Variants in SMURF1 observed in about 807,000 individuals in gnomAD.
SMURF1 encodes the protein SMAD specific E3 ubiquitin protein ligase 1, also known as E3 ubiquitin-protein ligase SMURF1.
SMURF1 carries 44 observed loss-of-function variants against 98.0 expected under a neutral mutation model. The observed-to-expected ratio is 0.45, with a 90% confidence interval of 0.35 to 0.58. The LOEUF (loss-of-function observed/expected upper bound fraction) is 0.58, where lower values mean the gene tolerates loss of function less well. SMURF1 is among the 20% of genes least tolerant of loss of function. SMURF1 has a pLI of 0.00. For synonymous variants in SMURF1, 396 were observed against 374.9 expected (o/e 1.06, Z -0.65); for missense variants, 687 against 938.4 (o/e 0.73, Z 3.50).
intron 1 of SMURF1, among the ~76,000 whole-genome samples, chr7:99,089,211 A>AG (rs1455890246): frequency 6.6e-6 from 1 of 151,824 alleles, no homozygotes; most frequent in Non-Finnish European, 1.5e-5. Flanking sequence ...AAAAAAAAAA[A>AG]AAAGAAAGAA....
chr7:99,109,295 C>T (rs1333872842), intron 1 of SMURF1, among the ~76,000 whole-genome samples: 2 of 152,198 alleles, frequency 1.3e-5, no homozygotes, highest in African/African-American at 4.8e-5. Flanking sequence ...ACCGGCAAGC[C>T]GCAGGGCTTA....
At chr7:99,101,933 C>CAAA (rs1286445271) in intron 1 of SMURF1, among the ~76,000 whole-genome samples, 8 of 116,594 alleles carry the variant, frequency 6.9e-5, no homozygotes, top group South Asian at 2.8e-4. Flanking sequence ...GACCACGTCT[C>CAAA]AAAAAAAAAA....
chr7:99,032,976 G>T, intron 17 of SMURF1, 61 bp downstream of exon 17: 1 of 1,453,974 alleles, frequency 6.9e-7, no homozygotes, highest in Non-Finnish European at 9.4e-7. Context: ...AAAAAAAAAC[G>T]TGAACGTCAG....
chr7:99,041,065 A>G (rs1795360243), intron 12 of SMURF1, among the ~76,000 whole-genome samples: 1 of 152,162 alleles, frequency 6.6e-6, no homozygotes, highest in Non-Finnish European at 1.5e-5. Context: ...GCTAAGGGGG[A>G]GAAAAAGACC....
intron 1 of SMURF1, among the ~76,000 whole-genome samples, chr7:99,135,270 A>C (rs1238446717): frequency 1.3e-5 from 2 of 152,136 alleles, no homozygotes; most frequent in Non-Finnish European, 2.9e-5. Flanking sequence ...GGGTGAGAAA[A>C]GGGAGGAGAT....
chr7:99,099,270 G>C (rs1401331283), intron 1 of SMURF1, among the ~76,000 whole-genome samples: 6 of 150,724 alleles, frequency 4.0e-5, no homozygotes, highest in Non-Finnish European at 7.4e-5. Flanking sequence ...AAATGAGAAG[G>C]AATGGAGAGA....
At chr7:99,107,218 T>G (rs901272162) in intron 1 of SMURF1, among the ~76,000 whole-genome samples, 1 of 152,206 alleles carries the variant, frequency 6.6e-6, no homozygotes, top group Admixed American at 6.5e-5. Flanking sequence ...GAGCCTCTTA[T>G]AGAAAGCATT....
chr7:99,112,329 T>G (rs1002459415), intron 1 of SMURF1, among the ~76,000 whole-genome samples: 1 of 151,894 alleles, frequency 6.6e-6, no homozygotes, highest in Admixed American at 6.6e-5. Flanking sequence ...GACTGGGGGG[T>G]TTCTGTTGTT....
In SMURF1 at chr7:99,033,018, TC is replaced by T. The variant is rs1180838324; in HGVS notation, c.2096+18del. The T allele has an allele frequency of 6.2e-7, 1 of 1,600,076 alleles. No homozygotes were observed. The highest frequency in any genetic ancestry group is 1.1e-5 in the South Asian group (1 of 89,512). ...CTGGGGCTCCCAGGACGCCGTGACT[TC>T]CTGGCCGCGGTGCTTACCAGGTATG... On this transcript the variant is annotated intron_variant, in intron 17 of 17. Transcript: ENST00000361368.
At position 99,050,920 on chromosome 7, in the gene SMURF1, C is replaced by G. The variant is rs1278020992; in HGVS notation, c.806+437G>C. On this transcript the variant is annotated intron_variant, in intron 8 of 17. Transcript: ENST00000361368. Reference sequence around the variant, plus strand: ...GGGGGGGGGGTCTCTCTAACCTGGGCTCAGATGTATGGCCTTGTAGAAGGA... The same window carrying G: ...GGGGGGGGGGTCTCTCTAACCTGGGGTCAGATGTATGGCCTTGTAGAAGGA... The G allele has an allele frequency of 2.6e-6, 4 of 1,547,746 alleles. No homozygotes were observed. The Admixed American group carries it at 7.9e-5, about 30-fold the overall frequency.
At chr7:99,127,248 A>G (rs78496871) in intron 1 of SMURF1, among the ~76,000 whole-genome samples, 2,325 of 152,346 alleles carry the variant, frequency 0.015, 46 homozygotes, top group African/African-American at 0.05. Flanking sequence ...GTAAGGAAAC[A>G]GAGAAATCCC....
intron 13 of SMURF1, among the ~76,000 whole-genome samples, chr7:99,038,796 AC>A (rs1294404202): frequency 6.6e-6 from 1 of 152,202 alleles, no homozygotes; most frequent in Admixed American, 6.5e-5. Flanking sequence ...CAGGGGACCC[AC>A]AACCCAGCTG....
intron 1 of SMURF1, among the ~76,000 whole-genome samples, chr7:99,069,006 G>A (rs1023924047): frequency 2.0e-5 from 3 of 152,104 alleles, no homozygotes; most frequent in Non-Finnish European, 1.5e-5. Context: ...CAATGTAAGC[G>A]GGGTTTTCAT....
intron 9 of SMURF1, 101 bp downstream of exon 9, chr7:99,049,462 C>G (rs1179500631): frequency 8.3e-7 from 1 of 1,205,372 alleles, no homozygotes; most frequent in Non-Finnish European, 1.2e-6. Context: ...TGCTTATTAT[C>G]CAACCAGCAA....
chr7:99,111,428 A>G (rs1797321747), intron 1 of SMURF1, among the ~76,000 whole-genome samples: 1 of 152,246 alleles, frequency 6.6e-6, no homozygotes. Flanking sequence ...AGAGCTATTT[A>G]GCAAATTTCA....
chr7:99,076,916 G>A (rs973874197), intron 1 of SMURF1, among the ~76,000 whole-genome samples: 6 of 151,926 alleles, frequency 3.9e-5, no homozygotes, highest in African/African-American at 1.2e-4. Flanking sequence ...GGCGGAAGGG[G>A]TAACATGGGA....
chr7:99,101,021 C>A (rs955888530), intron 1 of SMURF1, among the ~76,000 whole-genome samples: 37 of 152,130 alleles, frequency 2.4e-4, no homozygotes, highest in East Asian at 1.9e-4. Flanking sequence ...TAAATGCATT[C>A]GATAAGTTTT....
chr7:99,103,256 A>T (rs938462520), intron 1 of SMURF1, among the ~76,000 whole-genome samples: 2 of 152,184 alleles, frequency 1.3e-5, no homozygotes, highest in African/African-American at 4.8e-5. Context: ...CACCACTCCC[A>T]GCACTGTATA....
intron 3 of SMURF1, among the ~76,000 whole-genome samples, chr7:99,058,273 G>GCA (rs1563009804): frequency 6.6e-6 from 1 of 151,984 alleles, no homozygotes. Flanking sequence ...GAGATTACAG[G>GCA]CACCTGCCAC....
Sources: gnomAD v4.1 joint callset for allele counts (sites outside exome capture counted in the v4.1 genomes callset) on GRCh38, gnomAD v4.1.1 for gene constraint, MANE v1.5 for transcripts, NCBI Gene and HGNC (gene_info 2026-07-23, HGNC 2026-07-21) for gene names.